The following KCNIP1 variants were observed in gnomAD, a reference collection of about 807,000 sequenced individuals.
KCNIP1 encodes potassium voltage-gated channel interacting protein 1, also known as A-type potassium channel modulatory protein KCNIP1.
Under a neutral mutation model 33.0 loss-of-function variants are expected in KCNIP1, and 18 were observed. The observed-to-expected ratio is 0.55, with a 90% CI of 0.38 to 0.81. KCNIP1 has a LOEUF of 0.81. KCNIP1 is among the 30% of genes least tolerant of loss of function. KCNIP1 has a pLI of 0.00. For synonymous variants in KCNIP1, 93 were observed against 98.3 expected, an observed-to-expected ratio of 0.95 and a Z score of 0.32; for missense variants, 238 against 271.6, an observed-to-expected ratio of 0.88 and a Z score of 0.87.
intron 1 of KCNIP1, among the ~76,000 whole-genome samples, chr5:170,684,799 T>C (rs1249397999): frequency 6.6e-6 from 1 of 152,194 alleles, no homozygotes; most frequent in Non-Finnish European, 1.5e-5. Flanking sequence ...CTCTTTCCTC[T>C]TTCTACCTTC....
At chr5:170,563,615 T>C (rs138410149) in intron 1 of KCNIP1, among the ~76,000 whole-genome samples, 2 of 141,946 alleles carry the variant, frequency 1.4e-5, no homozygotes, top group Admixed American at 1.4e-4. Flanking sequence ...AGGTATGTGC[T>C]AGTTTTAAGG....
chr5:170,658,724 A>G (rs1239132036), intron 1 of KCNIP1, among the ~76,000 whole-genome samples: 1 of 152,160 alleles, frequency 6.6e-6, no homozygotes, highest in African/African-American at 2.4e-5. Flanking sequence ...AAAGCATGAG[A>G]CATACTTGGT....
chr5:170,453,836 A>G (rs1471516211), intron 1 of KCNIP1, among the ~76,000 whole-genome samples: 1 of 152,162 alleles, frequency 6.6e-6, no homozygotes, highest in Non-Finnish European at 1.5e-5. Context: ...AACACCCAGC[A>G]AGAAACAGAC....
intron 1 of KCNIP1, among the ~76,000 whole-genome samples, chr5:170,533,504 C>A (rs1755858837): frequency 6.6e-6 from 1 of 152,178 alleles, no homozygotes; most frequent in African/African-American, 2.4e-5. Context: ...AGAGCCTTAA[C>A]CACTGGGCTG....
chr5:170,609,899 CATTT>C (rs1294422963), intron 1 of KCNIP1, among the ~76,000 whole-genome samples: 4 of 152,018 alleles, frequency 2.6e-5, no homozygotes, highest in East Asian at 1.9e-4. Context: ...TTTGCTCATT[CATTT>C]AAGTCAGTAA....
chr5:170,563,632 G>GTT (rs34263461), intron 1 of KCNIP1, among the ~76,000 whole-genome samples: 4 of 149,172 alleles, frequency 2.7e-5, no homozygotes, highest in South Asian at 2.1e-4. Flanking sequence ...AAGGTGTTTT[G>GTT]TTTTTTTTTT....
At chr5:170,687,413 C>T (rs1581501311) in intron 1 of KCNIP1, among the ~76,000 whole-genome samples, 1 of 152,152 alleles carries the variant, frequency 6.6e-6, no homozygotes. Context: ...AACTCCTGAC[C>T]TTGTGATCCA....
chr5:170,594,956 G>T (rs1318647877), intron 1 of KCNIP1, among the ~76,000 whole-genome samples: 2 of 152,204 alleles, frequency 1.3e-5, no homozygotes, highest in Admixed American at 6.5e-5. Context: ...TAACAGTTTG[G>T]CCATGCAGTT....
intron 1 of KCNIP1, among the ~76,000 whole-genome samples, chr5:170,389,972 C>T (rs1269805744): frequency 1.3e-5 from 2 of 152,062 alleles, no homozygotes; most frequent in Admixed American, 6.5e-5. Flanking sequence ...GGATTTATGG[C>T]AAGGGGAGAG....
chr5:170,733,014 A>G (rs1764256748), intron 6 of KCNIP1, 110 bp downstream of exon 6: 4 of 631,210 alleles, frequency 6.3e-6, no homozygotes, highest in African/African-American at 1.8e-5. Flanking sequence ...CATGGTTGGT[A>G]ACAGAAAAGA....
At chr5:170,720,295 C>T in intron 2 of KCNIP1, 26 bp from the exon 3 acceptor site, 1 of 1,592,458 alleles carries the variant, frequency 6.3e-7, no homozygotes, top group Non-Finnish European at 8.6e-7. Flanking sequence ...CAAATGCCTC[C>T]CGCTGACTCT....
At chr5:170,500,629 A>G (rs964686831), upstream of KCNIP1, among the ~76,000 whole-genome samples, 1 of 152,144 alleles carries the variant, frequency 6.6e-6, no homozygotes. Flanking sequence ...GCCTGTTATC[A>G]TCATCTTTCT....
Position 170,504,561 on chromosome 5 carries a change from G to A in KCNIP1, c.-12G>A, listed in dbSNP as rs1158956589. ...GCCCGGGGTCCCAACTCGCACTCAA[G>A]TCTTCGCTGCCATGGGGGCCGTCAT... On this transcript the variant is annotated 5_prime_UTR_variant, in exon 1 of 8. Coordinates refer to ENST00000328939, the MANE Select transcript of KCNIP1 (RefSeq NM_014592.4). This position sits in a 1 kb window ranked among gnomAD's most constrained non-coding sequence, Gnocchi z 6.0. The A allele has an allele frequency of 6.2e-7, 1 of 1,613,082 alleles. No individual in the cohort carries two copies. The highest frequency in any genetic ancestry group is 2.2e-5 in the East Asian group (1 of 44,858).
At chr5:170,677,676 T>C (rs1270406969) in intron 1 of KCNIP1, among the ~76,000 whole-genome samples, 1 of 152,200 alleles carries the variant, frequency 6.6e-6, no homozygotes, top group African/African-American at 2.4e-5. Context: ...TTTTATGATG[T>C]CTGGATCATA....
At chr5:170,420,942 C>T (rs911202442) in intron 1 of KCNIP1, among the ~76,000 whole-genome samples, 7 of 152,164 alleles carry the variant, frequency 4.6e-5, no homozygotes, top group Non-Finnish European at 1.0e-4. Context: ...GTCTGCCAGC[C>T]GGACAGCGAG....
At chr5:170,721,638 C>A in intron 3 of KCNIP1, 195 bp from the exon 4 acceptor site, 1 of 1,095,418 alleles carries the variant, frequency 9.1e-7, no homozygotes, top group Non-Finnish European at 1.3e-6. Context: ...AAGGGCTCAT[C>A]TCACTTTTTG....
intron 1 of KCNIP1, among the ~76,000 whole-genome samples, chr5:170,477,281 C>G (rs543330730): frequency 6.6e-6 from 1 of 151,314 alleles, no homozygotes; most frequent in Admixed American, 6.6e-5. Context: ...TGTAAATTCA[C>G]TCTGGGGATG....
chr5:170,629,485 A>G (rs1581418787), intron 1 of KCNIP1, among the ~76,000 whole-genome samples: 1 of 152,340 alleles, frequency 6.6e-6, no homozygotes, highest in East Asian at 1.9e-4. Context: ...GGCCTGCAGA[A>G]GCAGAGAGGA....
At chr5:170,566,263 GTGTT>G (rs2113470784) in intron 1 of KCNIP1, among the ~76,000 whole-genome samples, 1 of 152,082 alleles carries the variant, frequency 6.6e-6, no homozygotes, top group South Asian at 2.1e-4. Context: ...GTTTGTTTGT[GTGTT>G]TGTTTTGTAG....
Sources: gnomAD v4.1 joint callset for allele counts (sites outside exome capture counted in the v4.1 genomes callset) on GRCh38, gnomAD v4.1.1 for gene constraint, Gnocchi (gnomAD v3.1) non-coding constraint, MANE v1.5 for transcripts, NCBI Gene and HGNC (gene_info 2026-07-23, HGNC 2026-07-21) for gene names.